Variants in ADGRL4 observed in about 807,000 individuals in gnomAD.
The protein encoded by ADGRL4 is EGF, latrophilin and seven transmembrane domain containing 1.
ADGRL4 carries 90 observed loss-of-function variants against 74.8 expected under a neutral mutation model. The ratio of observed to expected loss-of-function variants is 1.20; its 90% CI spans 1.02 to 1.43. ADGRL4 has a LOEUF of 1.43. ADGRL4 is among the 40% of genes most tolerant of loss of function. The pLI is 0.00. For synonymous variants in ADGRL4, 311 were observed against 279.2 expected (o/e 1.11, Z -1.14); for missense variants, 881 against 814.3 (o/e 1.08, Z -1.00).
chr1:79,006,568 T>A, intron 1 of ADGRL4, 65 bp downstream of exon 1: 1 of 1,523,742 alleles, frequency 6.6e-7, no homozygotes, highest in South Asian at 1.2e-5. Flanking sequence ...TCTTAAAAAA[T>A]CCAGTCCCCT....
chr1:78,892,673 T>G (rs963663753), intron 13 of ADGRL4, among the ~76,000 whole-genome samples: 2 of 152,068 alleles, frequency 1.3e-5, no homozygotes, highest in African/African-American at 4.8e-5. Context: ...ATAGTATAAT[T>G]CAGCTCTTCC....
intron 2 of ADGRL4, among the ~76,000 whole-genome samples, chr1:78,975,888 T>C (rs1374355209): frequency 2.0e-5 from 3 of 151,808 alleles, no homozygotes; most frequent in East Asian, 1.9e-4. Context: ...CAAACATCAT[T>C]AGTAGCAGCA....
chr1:78,895,720 CA>C (rs1429785684), intron 12 of ADGRL4, among the ~76,000 whole-genome samples: 3 of 151,926 alleles, frequency 2.0e-5, no homozygotes, highest in Non-Finnish European at 4.4e-5. Flanking sequence ...GTATAGTAAG[CA>C]AAGCGACGAG....
chr1:78,895,376 C>A (rs1318280543), intron 12 of ADGRL4, among the ~76,000 whole-genome samples: 1 of 151,952 alleles, frequency 6.6e-6, no homozygotes, highest in Non-Finnish European at 1.5e-5. Flanking sequence ...CAGACATGGT[C>A]TTTTGTTCTC....
chr1:78,996,180 T>G (rs75646238), intron 2 of ADGRL4, among the ~76,000 whole-genome samples: 2,055 of 152,284 alleles, frequency 0.013, 22 homozygotes, highest in Middle Eastern at 0.024. Flanking sequence ...GACAGAAACT[T>G]TCTTGCAGTG....
Position 78,940,604 on chromosome 1 carries a change from C to A in ADGRL4, c.326-1346G>T, listed in dbSNP as rs1253550624. ...TCTAGATCATTACCTTGAATTAATG[C>A]AAAAATTTTTATGTTTCTACCCCAG... On this transcript the variant is annotated intron_variant, in intron 3 of 14. Coordinates refer to ENST00000370742, the MANE Select transcript of ADGRL4 (RefSeq NM_022159.4). Among the ~76,000 whole-genome samples the A allele has an allele frequency of 2.0e-5, 3 of 151,954 alleles. No homozygotes were observed. In the East Asian group the frequency reaches 5.8e-4, roughly 29 times the overall value.
chr1:78,925,577 C>T (rs973032916), intron 8 of ADGRL4, among the ~76,000 whole-genome samples: 2 of 151,750 alleles, frequency 1.3e-5, no homozygotes, highest in African/African-American at 2.4e-5. Flanking sequence ...AAAATGGGAG[C>T]GAAATTTCAT....
chr1:78,898,103 G>C (rs1648434976), intron 12 of ADGRL4, among the ~76,000 whole-genome samples: 1 of 152,002 alleles, frequency 6.6e-6, no homozygotes, highest in Non-Finnish European at 1.5e-5. Flanking sequence ...TAAAAAAAAG[G>C]ATACCTCAAA....
At chr1:78,982,295 T>C (rs1650411258) in intron 2 of ADGRL4, among the ~76,000 whole-genome samples, 1 of 151,896 alleles carries the variant, frequency 6.6e-6, no homozygotes, top group Non-Finnish European at 1.5e-5. Context: ...TATGGTTGTA[T>C]ATTCAAGGCA....
chr1:78,913,227 G>C (rs1360055674), intron 12 of ADGRL4, among the ~76,000 whole-genome samples: 1 of 151,856 alleles, frequency 6.6e-6, no homozygotes, highest in East Asian at 1.9e-4. Flanking sequence ...AAGACAGGGT[G>C]GTGATTCCTC....
intron 12 of ADGRL4, among the ~76,000 whole-genome samples, chr1:78,916,320 C>T (rs1268319795): frequency 2.0e-5 from 3 of 151,686 alleles, no homozygotes; most frequent in Non-Finnish European, 4.4e-5. Context: ...TTCACTTGTA[C>T]AAAACAATGG....
At chr1:78,999,167 T>C (rs185749889) in intron 2 of ADGRL4, among the ~76,000 whole-genome samples, 5 of 152,156 alleles carry the variant, frequency 3.3e-5, no homozygotes, top group African/African-American at 9.7e-5. Context: ...ATTGGGACTA[T>C]AGACAACTGA....
At chr1:78,981,951 TA>T (rs1341371374) in intron 2 of ADGRL4, among the ~76,000 whole-genome samples, 1 of 151,888 alleles carries the variant, frequency 6.6e-6, no homozygotes. Flanking sequence ...CCTCTACTTT[TA>T]GTCTTCTTTG....
rs1461778096 is a variant in ADGRL4 at position 78,890,020 on chromosome 1, G to C, written c.*1134C>G. The C allele has an allele frequency of 4.7e-6, 1 of 211,784 alleles. No individual in the cohort carries two copies. The highest frequency in any genetic ancestry group is 2.4e-5 in the African/African-American group (1 of 42,230). 13.1% of individuals were successfully genotyped at this position (211,784 alleles called of 1,614,324 possible). A position where few individuals can be genotyped will look rare whatever the true frequency, so the allele number is the denominator to read the frequency against. ...AAAACTGTCAGAAAATGGATCCACT[G>C]TGAAAACCTCTACAGTTCTCCATGA... On this transcript the variant is annotated 3_prime_UTR_variant, in exon 15 of 15. Coordinates refer to ENST00000370742, the MANE Select transcript of ADGRL4 (RefSeq NM_022159.4).
chr1:78,973,398 C>T (rs142167856), intron 2 of ADGRL4, among the ~76,000 whole-genome samples: 164 of 151,404 alleles, frequency 1.1e-3, no homozygotes, highest in South Asian at 2.1e-3. Context: ...TATTTTAAAA[C>T]GTTTCACATA....
chr1:78,937,401 C>T (rs1469991267), intron 6 of ADGRL4, among the ~76,000 whole-genome samples: 3 of 152,122 alleles, frequency 2.0e-5, no homozygotes, highest in East Asian at 1.9e-4. Flanking sequence ...GCTGAGATTG[C>T]GCCACTGCAC....
At chr1:78,947,540 C>A (rs1300970000) in intron 2 of ADGRL4, among the ~76,000 whole-genome samples, 2 of 152,098 alleles carry the variant, frequency 1.3e-5, no homozygotes, top group Non-Finnish European at 2.9e-5. Flanking sequence ...AGACTTTTAG[C>A]CTCCAGAGCT....
chr1:78,940,448 G>T (rs1404395882), intron 3 of ADGRL4, among the ~76,000 whole-genome samples: 1 of 152,068 alleles, frequency 6.6e-6, no homozygotes, highest in Non-Finnish European at 1.5e-5. Context: ...TAATAAAGGT[G>T]CTGGGTTTTA....
At chr1:78,931,668 G>A (rs181875882) in intron 7 of ADGRL4, among the ~76,000 whole-genome samples, 11 of 151,296 alleles carry the variant, frequency 7.3e-5, no homozygotes, top group Admixed American at 7.2e-4. Context: ...CCATCGGTGT[G>A]CTATGTTCAG....
Sources: gnomAD v4.1 joint callset for allele counts (sites outside exome capture counted in the v4.1 genomes callset) on GRCh38, gnomAD v4.1.1 for gene constraint, MANE v1.5 for transcripts, NCBI Gene and HGNC (gene_info 2026-07-23, HGNC 2026-07-21) for gene names.